ARNT: variants seen among roughly 807,000 people sequenced by gnomAD.
ARNT encodes class E basic helix-loop-helix protein 2.
In ARNT, 30 loss-of-function variants were observed where a neutral mutation model predicts 105.0. The ratio of observed to expected loss-of-function variants is 0.29; its 90% CI spans 0.21 to 0.39. The LOEUF (loss-of-function observed/expected upper bound fraction) is 0.39. ARNT is among the 10% of genes least tolerant of loss of function. The pLI, the probability that ARNT is intolerant of heterozygous loss-of-function variation, is 1.00. For synonymous variants in ARNT, 304 were observed against 344.0 expected (o/e 0.88, Z 1.29); for missense variants, 748 against 978.7 (o/e 0.76, Z 3.15).
At chr1:150,840,250 C>CA (rs999330320) in intron 5 of ARNT, among the ~76,000 whole-genome samples, 3 of 146,976 alleles carry the variant, frequency 2.0e-5, no homozygotes, top group African/African-American at 8.0e-5. Flanking sequence ...CAAAAAAAAA[C>CA]AAAAAACAAA....
chr1:150,813,798 C>A (rs1655252511), intron 20 of ARNT, among the ~76,000 whole-genome samples: 1 of 152,002 alleles, frequency 6.6e-6, no homozygotes, highest in Non-Finnish European at 1.5e-5. Flanking sequence ...GCATGCGGTA[C>A]CACACCCGGT....
At chr1:150,868,648 TC>T (rs1481463440) in intron 1 of ARNT, among the ~76,000 whole-genome samples, 1 of 152,068 alleles carries the variant, frequency 6.6e-6, no homozygotes, top group African/African-American at 2.4e-5. Context: ...ACGCCTGTAA[TC>T]CCAGCACTTT....
intron 1 of ARNT, among the ~76,000 whole-genome samples, chr1:150,864,189 C>T (rs1300126713): frequency 3.3e-5 from 5 of 152,092 alleles, no homozygotes; most frequent in Non-Finnish European, 7.4e-5. Flanking sequence ...ATGTGTTGTG[C>T]TAAGACCTTA....
chr1:150,840,890 A>G (rs1189430956), intron 5 of ARNT, among the ~76,000 whole-genome samples: 1 of 151,522 alleles, frequency 6.6e-6, no homozygotes, highest in Non-Finnish European at 1.5e-5. Flanking sequence ...GGAGATAATC[A>G]TGCAACATGC....
At chr1:150,820,429 G>A (rs931448826) in intron 14 of ARNT, among the ~76,000 whole-genome samples, 2 of 152,174 alleles carry the variant, frequency 1.3e-5, no homozygotes, top group Non-Finnish European at 2.9e-5. Context: ...TTGGGAGGAC[G>A]ATGGACTGCT....
At chr1:150,822,771 G>T (rs74866401) in intron 14 of ARNT, among the ~76,000 whole-genome samples, 2 of 152,190 alleles carry the variant, frequency 1.3e-5, no homozygotes, top group Admixed American at 1.3e-4. Context: ...ACAACCTGGG[G>T]CTTGCAACTG....
At position 150,831,869 on chromosome 1, in the gene ARNT, G is replaced by C; in HGVS notation, c.904C>G (p.His302Asp). 1 of 1,596,158 alleles carries C rather than the reference G, an allele frequency of 6.3e-7. No individual in the cohort carries two copies. The highest frequency in any genetic ancestry group is 8.5e-7 in the Non-Finnish European group (1 of 1,175,622). ...CCTGTGCAGTGGACCACCACGAAGT[G>C]AGGTTCCCCATCCTTTACAGAGCCA... Reference protein sequence around the residue: ...GLGSVKDGEPHFVVVHCTGYI... With the variant: ...GLGSVKDGEPDFVVVHCTGYI... The change falls in exon 10 of 22, where the codon CAC becomes GAC. Residue 302 changes from histidine to aspartate, a missense_variant. Transcript: ENST00000358595.
intron 1 of ARNT, among the ~76,000 whole-genome samples, chr1:150,869,976 C>G (rs1304608145): frequency 6.6e-6 from 1 of 152,154 alleles, no homozygotes; most frequent in Non-Finnish European, 1.5e-5. Flanking sequence ...AAAGACAATA[C>G]TCCACCTACC....
chr1:150,829,583 T>C, intron 11 of ARNT: 1 of 578,932 alleles, frequency 1.7e-6, no homozygotes, highest in Non-Finnish European at 3.2e-6. Context: ...ACTTTTCTAT[T>C]GTTAGTCAGG....
chr1:150,860,835 C>A (rs587713118), intron 1 of ARNT, among the ~76,000 whole-genome samples: 3 of 151,324 alleles, frequency 2.0e-5, no homozygotes, highest in East Asian at 3.9e-4. Context: ...CCAGCCTGAG[C>A]GACAGAGAAA....
At chr1:150,820,987 C>T (rs1359129032) in intron 14 of ARNT, among the ~76,000 whole-genome samples, 2 of 152,182 alleles carry the variant, frequency 1.3e-5, no homozygotes, top group Admixed American at 1.3e-4. Flanking sequence ...GGCCAGAAGC[C>T]TTACCAATAA....
chr1:150,844,908 C>T (rs1291320514), intron 4 of ARNT, among the ~76,000 whole-genome samples: 1 of 151,658 alleles, frequency 6.6e-6, no homozygotes, highest in African/African-American at 2.4e-5. Flanking sequence ...CTCCCGGGCT[C>T]ATGCAATTCT....
At chr1:150,829,319 A>T (rs1457331130) in intron 11 of ARNT, 92 bp from the exon 12 acceptor site, 2 of 1,361,604 alleles carry the variant, frequency 1.5e-6, no homozygotes, top group Admixed American at 4.3e-5. Flanking sequence ...TAGACATAAG[A>T]TTCCCAGTTT....
At chr1:150,860,016 A>G (rs1243042053) in intron 1 of ARNT, among the ~76,000 whole-genome samples, 1 of 151,836 alleles carries the variant, frequency 6.6e-6, no homozygotes, top group African/African-American at 2.4e-5. Context: ...AAAAAAAAAA[A>G]AAGGGTGCAT....
At chr1:150,835,859 T>C (rs1660238720) in intron 7 of ARNT, among the ~76,000 whole-genome samples, 1 of 152,078 alleles carries the variant, frequency 6.6e-6, no homozygotes, top group South Asian at 2.1e-4. Flanking sequence ...AAACACCTTA[T>C]ACATTGACCA....
At chr1:150,812,155 C>T (rs1196177489) in intron 21 of ARNT, 45 bp from the exon 22 acceptor site, 1 of 1,389,778 alleles carries the variant, frequency 7.2e-7, no homozygotes, top group Admixed American at 2.2e-5. Context: ...ACCTTGATCT[C>T]TTACACTTAC....
chr1:150,863,796 C>G (rs1666075384), intron 1 of ARNT, among the ~76,000 whole-genome samples: 1 of 150,380 alleles, frequency 6.6e-6, no homozygotes, highest in African/African-American at 2.5e-5. Flanking sequence ...GCCTGGGCAA[C>G]AAGAGCAAAA....
chr1:150,857,837 G>C (rs1425591512), intron 2 of ARNT, among the ~76,000 whole-genome samples: 1 of 152,142 alleles, frequency 6.6e-6, no homozygotes, highest in Admixed American at 6.6e-5. Context: ...CAAGGACTGT[G>C]TCTTATTCAT....
chr1:150,840,937 CTCT>C (rs1282304348), intron 5 of ARNT, among the ~76,000 whole-genome samples: 37 of 146,812 alleles, frequency 2.5e-4, no homozygotes, highest in African/African-American at 7.4e-4. Flanking sequence ...TGCCTTATCT[CTCT>C]TCTTCTTTTT....
Sources: allele counts gnomAD v4.1 joint callset (sites outside exome capture counted in the v4.1 genomes callset), GRCh38; gene constraint gnomAD v4.1.1; transcripts MANE v1.5; gene names NCBI Gene and HGNC (gene_info 2026-07-23, HGNC 2026-07-21).